MTR: variants seen among roughly 807,000 people sequenced by gnomAD.
The protein encoded by MTR is methionine synthase.
A neutral mutation model predicts 154.8 loss-of-function variants in MTR; 84 were observed. The observed-to-expected ratio is 0.54, with a 90% confidence interval of 0.45 to 0.65. The LOEUF (loss-of-function observed/expected upper bound fraction) is 0.65. Among genes scored for constraint, MTR ranks in the 30% least tolerant of loss-of-function variants. The probability of loss-of-function intolerance (pLI) is 0.00; values close to 1 mark genes in which losing one functional copy is unlikely to be tolerated. For missense variants in MTR, 1,275 were observed against 1,570.2 expected (o/e 0.81, Z 3.18); for synonymous variants, 554 against 553.9 (o/e 1.00, Z 0.00).
At chr1:236,844,056 G>C (rs1173547852) in intron 15 of MTR, among the ~76,000 whole-genome samples, 2 of 152,152 alleles carry the variant, frequency 1.3e-5, no homozygotes, top group Non-Finnish European at 2.9e-5. Flanking sequence ...GTGAGTCTTA[G>C]AGCCACAGTG....
Position 236,886,206 on chromosome 1 carries a change from T to C in MTR, c.2776-86T>C, listed in dbSNP as rs1666000644. 1.6e-5 allele frequency: 17 copies of C among 1,076,840 alleles called. No individual in the cohort carries two copies. The South Asian group carries it at 1.9e-4, about 12-fold the overall frequency. The allele number at this position is 1,076,840 out of a possible 1,614,324, so 66.7% of individuals were successfully genotyped here. Reference sequence around the variant, plus strand: ...AGAGCATTTGCTTTCTTGCAAAGCTTACATACTGGCCTTCTTGGACATGTT... The same window carrying C: ...AGAGCATTTGCTTTCTTGCAAAGCTCACATACTGGCCTTCTTGGACATGTT... On this transcript the variant is annotated intron_variant, in intron 26 of 32. Transcript: ENST00000366577.
intron 13 of MTR, 146 bp downstream of exon 13, chr1:236,832,224 CTGGGCTGG>C: frequency 1.3e-6 from 1 of 755,606 alleles, no homozygotes; most frequent in East Asian, 2.7e-5. Context: ...TTGCAGCAGA[CTGGGCTGG>C]TGGGAGGACG....
intron 6 of MTR, among the ~76,000 whole-genome samples, chr1:236,814,233 A>C (rs1368011894): frequency 6.6e-6 from 1 of 152,184 alleles, no homozygotes; most frequent in African/African-American, 2.4e-5. Context: ...TGTTTTGTGA[A>C]TCTGCAGTAA....
rs756706737 is a variant in MTR, at chr1:236,891,267, G to A, written c.3142G>A (p.Ala1048Thr). 9.9e-6 allele frequency: 16 copies of A among 1,614,004 alleles called. No individual in the cohort carries two copies. The highest frequency in any genetic ancestry group is 1.6e-4 in the Middle Eastern group (1 of 6,084). ...TATCCAAGACGACATTCACCTGTAC[G>A]CAGAGGCTGCTGTGCCCCAGGCTGC... ...QSIQDDIHLYAEAAVPQAAEP... is the reference protein window; with the variant it reads ...QSIQDDIHLYTEAAVPQAAEP... Residue 1048 changes from alanine to threonine, a missense_variant, in exon 29 of 33, where the codon GCA (alanine) becomes ACA (threonine). Coordinates refer to ENST00000366577, the MANE Select transcript of MTR (RefSeq NM_000254.3).
chr1:236,838,416 A>AC lies in MTR; in HGVS notation c.1334dup (p.Leu446PhefsTer12). ...TTTTCTTGCCTTTCTGATCTCAGGT[A>AC]CCTTTGTGCATCGACTCCTCCAATT... is the stretch of plus-strand genomic sequence containing the variant. On this transcript the variant is annotated frameshift_variant, in exon 15 of 33. Coordinates refer to ENST00000366577, the MANE Select transcript of MTR (RefSeq NM_000254.3). LOFTEE classifies it high-confidence loss of function. The AC allele has an allele frequency of 6.2e-7, 1 of 1,614,110 alleles. No individual in the cohort carries two copies. Among genetic ancestry groups the AC allele is most frequent in the South Asian group, 1.1e-5 (1 of 91,076 alleles).
intron 22 of MTR, among the ~76,000 whole-genome samples, chr1:236,866,735 C>T (rs896429676): frequency 6.6e-6 from 1 of 152,192 alleles, no homozygotes; most frequent in African/African-American, 2.4e-5. Flanking sequence ...AAAACAGCCC[C>T]ACTGCTGTTA....
chr1:236,802,213 C>G (rs1368177051), intron 1 of MTR, among the ~76,000 whole-genome samples: 2 of 152,032 alleles, frequency 1.3e-5, no homozygotes, highest in Non-Finnish European at 2.9e-5. Context: ...AGGGTGTTGC[C>G]ATTTACAGAA....
intron 7 of MTR, 53 bp from the exon 8 acceptor site, chr1:236,816,396 T>C: frequency 6.8e-7 from 1 of 1,470,158 alleles, no homozygotes; most frequent in Non-Finnish European, 9.5e-7. Flanking sequence ...CCTTTATATC[T>C]ATATTCTTAA....
chr1:236,863,596 A>G, intron 22 of MTR, 42 bp downstream of exon 22: 1 of 1,537,702 alleles, frequency 6.5e-7, no homozygotes, highest in Non-Finnish European at 9.0e-7. Context: ...TTTCCATTTA[A>G]AAATGAAAGC....
chr1:236,866,427 C>G (rs1664827709), intron 22 of MTR, among the ~76,000 whole-genome samples: 1 of 152,174 alleles, frequency 6.6e-6, no homozygotes, highest in African/African-American at 2.4e-5. Flanking sequence ...TTCCCCATCT[C>G]TCTCCCTTTC....
At chr1:236,795,860 G>A (rs1660349365) in intron 1 of MTR, 123 bp downstream of exon 1, 1 of 1,481,310 alleles carries the variant, frequency 6.8e-7, no homozygotes. Flanking sequence ...CCCGCGTGTG[G>A]GCGGCACCTT....
intron 22 of MTR, among the ~76,000 whole-genome samples, chr1:236,868,799 T>C (rs1664960224): frequency 6.6e-6 from 1 of 152,242 alleles, no homozygotes; most frequent in Non-Finnish European, 1.5e-5. Context: ...TTCCAAACTG[T>C]ATAATGTTGG....
intron 29 of MTR, among the ~76,000 whole-genome samples, chr1:236,891,830 G>A (rs1372579614): frequency 5.9e-5 from 9 of 152,286 alleles, no homozygotes; most frequent in East Asian, 1.9e-4. Context: ...CCACACAGCC[G>A]TGTGAGGCAG....
rs780526997 is a variant in MTR at position 236,815,653 on chromosome 1, G to A, written c.659G>A (p.Arg220Gln). 1.9e-5 allele frequency: 31 copies of A among 1,612,926 alleles called. No homozygotes were observed. In the Admixed American group the frequency reaches 2.0e-4, roughly 10 times the overall value. The change falls in exon 7 of 33, where the codon CGG becomes CAG. Residue 220 changes from arginine to glutamine, a missense_variant. Physicochemically the swap from Arg to Gln is conservative, Grantham distance 43 (BLOSUM62 1). Coordinates refer to ENST00000366577, the MANE Select transcript of MTR (RefSeq NM_000254.3). ...CTTTTTGAGGAGAAATATGCTCCCC[G>A]GCCTATCTTTGTAAGTTCTAAAGTG... ...QNLFEEKYAPRPIFISGTIVD... is the reference protein window; with the variant it reads ...QNLFEEKYAPQPIFISGTIVD...
chr1:236,867,670 G>T (rs975368926), intron 22 of MTR, among the ~76,000 whole-genome samples: 1 of 152,178 alleles, frequency 6.6e-6, no homozygotes, highest in East Asian at 1.9e-4. Flanking sequence ...TGTAATTCAT[G>T]GGAGGAGGTC....
At chr1:236,845,318 A>C (rs1663504781) in intron 15 of MTR, among the ~76,000 whole-genome samples, 1 of 152,280 alleles carries the variant, frequency 6.6e-6, no homozygotes, top group African/African-American at 2.4e-5. Context: ...CTTGCTAGTT[A>C]TGAAAGATAT....
intron 5 of MTR, among the ~76,000 whole-genome samples, chr1:236,812,429 T>C (rs1321869814): frequency 1.3e-5 from 2 of 152,228 alleles, no homozygotes; most frequent in South Asian, 2.1e-4. Context: ...AAGAATGATA[T>C]GTTTCAGAGA....
At chr1:236,820,640 A>T in intron 8 of MTR, 1 of 525,976 alleles carries the variant, frequency 1.9e-6, no homozygotes, top group Non-Finnish European at 3.4e-6. Context: ...TTTTGTGTAG[A>T]CATAAGTTTT....
chr1:236,818,467 G>C (rs937046502), intron 8 of MTR, among the ~76,000 whole-genome samples: 3 of 152,134 alleles, frequency 2.0e-5, no homozygotes, highest in Non-Finnish European at 4.4e-5. Context: ...GTTTTATCGA[G>C]GTCTAAATAA....
Sources: gnomAD v4.1 joint callset for allele counts (sites outside exome capture counted in the v4.1 genomes callset) on GRCh38, gnomAD v4.1.1 for gene constraint, MANE v1.5 for transcripts, NCBI Gene and HGNC (gene_info 2026-07-23, HGNC 2026-07-21) for gene names.